DPYD: variants seen among roughly 807,000 people sequenced by gnomAD.
DPYD encodes the protein dihydropyrimidine dehydrogenase [NADP(+)].
Under a neutral mutation model 116.2 loss-of-function variants are expected in DPYD, and 109 were observed. The ratio of observed to expected loss-of-function variants is 0.94; its 90% confidence interval spans 0.80 to 1.10. The LOEUF is 1.10. Ranked by LOEUF, DPYD falls within the 50% of genes least tolerant of loss-of-function variation. The pLI, the probability that DPYD is intolerant of heterozygous loss-of-function variation, is 0.00. For synonymous variants in DPYD, 440 were observed against 432.0 expected (o/e 1.02, Z -0.23); for missense variants, 1,302 against 1,254.5 (o/e 1.04, Z -0.57).
At chr1:97,325,829 T>C (rs1186413723) in intron 16 of DPYD, among the ~76,000 whole-genome samples, 2 of 151,874 alleles carry the variant, frequency 1.3e-5, no homozygotes, top group African/African-American at 4.8e-5. Context: ...GAATGCATGG[T>C]ATCATATGAA....
At chr1:97,907,119 A>G (rs1446717361) in intron 1 of DPYD, among the ~76,000 whole-genome samples, 1 of 152,112 alleles carries the variant, frequency 6.6e-6, no homozygotes, top group East Asian at 1.9e-4. Flanking sequence ...AAGGAGCGGA[A>G]CAATGAAAGA....
At chr1:97,705,553 T>G (rs1270772347) in intron 5 of DPYD, among the ~76,000 whole-genome samples, 1 of 151,998 alleles carries the variant, frequency 6.6e-6, no homozygotes, top group African/African-American at 2.4e-5. Flanking sequence ...TTTGGGTTGG[T>G]TCCAAGTCTT....
intron 1 of DPYD, among the ~76,000 whole-genome samples, chr1:97,910,516 A>G (rs554051670): frequency 6.6e-6 from 1 of 152,172 alleles, no homozygotes; most frequent in East Asian, 1.9e-4. Context: ...CCACACAACA[A>G]TCCTGTAATG....
Position 97,235,469 on chromosome 1 carries a change from T to C in DPYD, c.2300-475A>G, listed in dbSNP as rs761283185. Among the ~76,000 whole-genome samples the C allele has an allele frequency of 4.6e-5, 7 of 151,896 alleles. No individual in the cohort carries two copies. In the East Asian group the frequency reaches 5.8e-4, roughly 13 times the overall value. ...CCCATGGCTACTAAAAATACAAAAA[T>C]AAACATTAACCAGGCGTGGTGGCAG... On this transcript the variant is annotated intron_variant, in intron 18 of 22. Coordinates refer to ENST00000370192, the MANE Select transcript of DPYD (RefSeq NM_000110.4).
intron 15 of DPYD, 44 bp from the exon 16 acceptor site, chr1:97,373,688 T>A: frequency 1.9e-6 from 3 of 1,545,326 alleles, no homozygotes; most frequent in Non-Finnish European, 1.8e-6. Flanking sequence ...AAAGCTTTAT[T>A]TATATACCAA....
chr1:97,376,389 C>G (rs1481086357), intron 15 of DPYD, among the ~76,000 whole-genome samples: 1 of 152,018 alleles, frequency 6.6e-6, no homozygotes, highest in East Asian at 1.9e-4. Context: ...AATTTTTTCA[C>G]TGACTAATTA....
chr1:97,439,275 C>G (rs1164942479), intron 14 of DPYD, among the ~76,000 whole-genome samples: 1 of 152,092 alleles, frequency 6.6e-6, no homozygotes, highest in Non-Finnish European at 1.5e-5. Flanking sequence ...GTGTTGGCCC[C>G]ATAGAATGTG....
rs139858815 is a variant in DPYD at position 97,655,052 on chromosome 1, C to T, written c.850+24043G>A. ...ATCTCCCACCCCGTCCCTCTCACAA[C>T]ATGTAGGAATTATGGGAACTACAAT... On this transcript the variant is annotated intron_variant, in intron 8 of 22. Coordinates refer to ENST00000370192, the MANE Select transcript of DPYD (RefSeq NM_000110.4). Among the ~76,000 whole-genome samples, 322 of 152,204 alleles carry T rather than the reference C, an allele frequency of 2.1e-3. 7 individuals are homozygous for T. The East Asian group carries it at 0.049, about 23-fold the overall frequency.
chr1:97,294,533 T>C (rs1404883066), intron 18 of DPYD, among the ~76,000 whole-genome samples: 1 of 152,170 alleles, frequency 6.6e-6, no homozygotes, highest in African/African-American at 2.4e-5. Context: ...ATGATGTTGC[T>C]TTGGGGAAAA....
chr1:97,393,530 G>A (rs1405498823), intron 14 of DPYD, among the ~76,000 whole-genome samples: 2 of 151,860 alleles, frequency 1.3e-5, no homozygotes, highest in Admixed American at 6.6e-5. Context: ...ACCTATGAGT[G>A]AGAACATGCG....
chr1:97,385,787 G>A (rs1401200728), intron 14 of DPYD, among the ~76,000 whole-genome samples: 1 of 152,146 alleles, frequency 6.6e-6, no homozygotes, highest in Non-Finnish European at 1.5e-5. Context: ...GCAAGGTTTA[G>A]CAGCCTTGAC....
At chr1:97,837,213 C>T (rs1253352344) in intron 2 of DPYD, among the ~76,000 whole-genome samples, 4 of 152,088 alleles carry the variant, frequency 2.6e-5, no homozygotes, top group Non-Finnish European at 5.9e-5. Flanking sequence ...TTTTCTTTGG[C>T]ATGTAATCCT....
chr1:97,468,662 T>C (rs963302035), intron 13 of DPYD, among the ~76,000 whole-genome samples: 3 of 152,198 alleles, frequency 2.0e-5, no homozygotes, highest in African/African-American at 4.8e-5. Flanking sequence ...AAAATCATTC[T>C]TAACTCATAG....
chr1:97,775,417 A>G (rs1666343999), intron 3 of DPYD, among the ~76,000 whole-genome samples: 1 of 152,138 alleles, frequency 6.6e-6, no homozygotes, highest in Non-Finnish European at 1.5e-5. Context: ...TTTTGCCTAC[A>G]TATTTATTGG....
chr1:97,336,108 T>C (rs543079525), intron 16 of DPYD, among the ~76,000 whole-genome samples: 1 of 152,178 alleles, frequency 6.6e-6, no homozygotes, highest in Non-Finnish European at 1.5e-5. Context: ...AGCAACAATG[T>C]GACAGTGTCT....
intron 2 of DPYD, among the ~76,000 whole-genome samples, chr1:97,837,898 C>G (rs1669845254): frequency 6.6e-6 from 1 of 151,942 alleles, no homozygotes; most frequent in African/African-American, 2.4e-5. Flanking sequence ...TTTTTTATTC[C>G]AACAGCACAG....
intron 2 of DPYD, among the ~76,000 whole-genome samples, chr1:97,829,365 AACAC>A (rs968961074): frequency 5.3e-5 from 8 of 152,084 alleles, no homozygotes; most frequent in African/African-American, 1.9e-4. Flanking sequence ...CCTTTTAACA[AACAC>A]ACACAGTTAT....
At chr1:97,803,949 A>T (rs978711793) in intron 3 of DPYD, among the ~76,000 whole-genome samples, 3 of 151,828 alleles carry the variant, frequency 2.0e-5, no homozygotes, top group Non-Finnish European at 4.4e-5. Context: ...ACCATTTTTA[A>T]AGTGAAAATA....
At chr1:97,366,514 A>C (rs1671049970) in intron 16 of DPYD, among the ~76,000 whole-genome samples, 1 of 152,154 alleles carries the variant, frequency 6.6e-6, no homozygotes, top group Admixed American at 6.5e-5. Flanking sequence ...GTGATGCCTC[A>C]GGGGATCATC....
Sources: allele counts gnomAD v4.1 joint callset (sites outside exome capture counted in the v4.1 genomes callset), GRCh38; gene constraint gnomAD v4.1.1; transcripts MANE v1.5; gene names NCBI Gene and HGNC (gene_info 2026-07-23, HGNC 2026-07-21).